Variants in ERC2 observed in about 807,000 individuals in gnomAD.
ERC2 encodes ELKS/RAB6-interacting/CAST family member 2, also known as ERC protein 2.
ERC2 carries 42 observed loss-of-function variants against 114.8 expected under a neutral mutation model. The ratio of observed to expected loss-of-function variants is 0.37; its 90% confidence interval spans 0.29 to 0.47. The LOEUF (loss-of-function observed/expected upper bound fraction) is 0.47, where lower values mean the gene tolerates loss of function less well. Among genes scored for constraint, ERC2 ranks in the 20% least tolerant of loss-of-function variants. ERC2 has a pLI of 0.99. For missense variants in ERC2, 939 were observed against 1,150.7 expected, an observed-to-expected ratio of 0.82 and a Z score of 2.66; for synonymous variants, 454 against 425.5, an observed-to-expected ratio of 1.07 and a Z score of -0.82.
At chr3:56,221,005 T>C (rs1012044653) in intron 3 of ERC2, among the ~76,000 whole-genome samples, 4 of 152,212 alleles carry the variant, frequency 2.6e-5, no homozygotes, top group African/African-American at 7.2e-5. Context: ...GCACCCTTAG[T>C]ATATGTGCAC....
chr3:56,461,596 A>C (rs1231418707), intron 1 of ERC2, among the ~76,000 whole-genome samples: 1 of 152,256 alleles, frequency 6.6e-6, no homozygotes, highest in Admixed American at 6.5e-5. Flanking sequence ...TCTACCACAG[A>C]TGATATTAAG....
chr3:55,652,240 C>T (rs542602679), intron 17 of ERC2, among the ~76,000 whole-genome samples: 34 of 152,314 alleles, frequency 2.2e-4, no homozygotes, highest in African/African-American at 7.9e-4. Flanking sequence ...AACTGGAAAG[C>T]AGGTTCTGTT....
At chr3:55,715,052 C>T (rs1044485640) in intron 15 of ERC2, among the ~76,000 whole-genome samples, 9 of 152,130 alleles carry the variant, frequency 5.9e-5, no homozygotes, top group African/African-American at 1.7e-4. Context: ...AGCACCCTAA[C>T]TTACTGGCCA....
Position 55,734,893 on chromosome 3 carries a change from T to A in ERC2, c.2590A>T (p.Ser864Cys). 6.2e-7 allele frequency: 1 copy of A among 1,606,806 alleles called. No individual in the cohort carries two copies. Among genetic ancestry groups the A allele is most frequent in the Non-Finnish European group, 8.5e-7 (1 of 1,176,376 alleles). Residue 864 changes from serine to cysteine, a missense_variant, in exon 15 of 18, where the codon AGT becomes TGT. This residue lies in a region of ERC2 where 328 missense variants were observed against 353.9 expected (regional missense o/e 0.93). Coordinates refer to ENST00000288221, the MANE Select transcript of ERC2 (RefSeq NM_015576.3). Reference protein sequence around the residue: ...MKQEALLAAISEKDANIALLE... With the variant: ...MKQEALLAAICEKDANIALLE... ...AAGGCAATGTTTGCATCTTTTTCAC[T>A]GATGGCTGCAAGTAGTGCTTCCTGT...
In ERC2 at chr3:55,557,480, C is replaced by T. The variant is rs146368049; in HGVS notation, c.*40-46204G>A. ...TTGCTGAGGGAAGGGTTTTCTACAA[C>T]AGATATCAGCCTGCAAAGGATTCTA... On this transcript the variant is annotated intron_variant, in intron 17 of 17. Coordinates refer to ENST00000288221, the MANE Select transcript of ERC2 (RefSeq NM_015576.3). Among the ~76,000 whole-genome samples, 1,448 of 152,348 alleles carry T rather than the reference C, an allele frequency of 9.5e-3. 7 individuals carry two copies. The highest frequency in any genetic ancestry group is 0.013 in the Non-Finnish European group (914 of 68,032).
At position 55,992,129 on chromosome 3, in the gene ERC2, C is replaced by T. The variant is rs777439484; in HGVS notation, c.2183G>A (p.Arg728Gln). The T allele has an allele frequency of 2.5e-6, 4 of 1,613,946 alleles. No homozygotes were observed. Among genetic ancestry groups the T allele is most frequent in the South Asian group, 1.1e-5 (1 of 91,070 alleles). The change falls in exon 11 of 18, where the codon CGG becomes CAG. Residue 728 changes from arginine (R) to glutamine (Q), a missense_variant. Arg to Gln is a conservative substitution (Grantham distance 43). Transcript: ENST00000288221. ...CACCTCCTTGAGGATCTCCAGCAAC[C>T]GGTCCACTTCCGCTTGGGCCTTGCC... ...ECGKAQAEVD[R>Q]LLEILKEVEN...
intron 17 of ERC2, among the ~76,000 whole-genome samples, chr3:55,511,608 C>T (rs776070884): frequency 7.2e-5 from 11 of 152,162 alleles, no homozygotes; most frequent in African/African-American, 2.2e-4. Flanking sequence ...TCCACATAAT[C>T]GGACTATATG....
rs577083329 is a variant in ERC2, at chr3:55,728,997, G to A, written c.2712+5774C>T. Among the ~76,000 whole-genome samples, 6 of 152,316 alleles carry A rather than the reference G, an allele frequency of 3.9e-5. No individual in the cohort carries two copies. In the South Asian group the frequency reaches 1.2e-3, roughly 32 times the overall value. On this transcript the variant is annotated intron_variant, in intron 15 of 17. Coordinates refer to ENST00000288221, the MANE Select transcript of ERC2 (RefSeq NM_015576.3). Reference sequence around the variant, plus strand: ...AGCACCTTGAGACTCCATGGAGGCTGGAGCTAGGGGATGTGGAGAGTGAGC... The same window carrying A: ...AGCACCTTGAGACTCCATGGAGGCTAGAGCTAGGGGATGTGGAGAGTGAGC...
chr3:56,260,779 T>C (rs752976592), intron 3 of ERC2, among the ~76,000 whole-genome samples: 14 of 152,226 alleles, frequency 9.2e-5, no homozygotes, highest in Non-Finnish European at 1.5e-4. Flanking sequence ...ATCATCACTT[T>C]CTTGCTGAAA....
At chr3:55,968,119 TTG>T (rs1320032255) in intron 12 of ERC2, among the ~76,000 whole-genome samples, 1 of 148,976 alleles carries the variant, frequency 6.7e-6, no homozygotes, top group East Asian at 2.0e-4. Context: ...TTTTAATTAC[TTG>T]ATTTTCTATT....
chr3:56,100,943 G>A lies in ERC2; in HGVS notation c.1474-19959C>T, dbSNP rs144223619. ...ACTCCCTCTCTTACCTCTAACAGTT[G>A]TCCTCAACACAGAAATTCAGGGGAT... On this transcript the variant is annotated intron_variant, in intron 6 of 17. Transcript: ENST00000288221. Among the ~76,000 whole-genome samples the A allele has an allele frequency of 8.2e-4, 125 of 152,220 alleles. 1 individual carries two copies. In the East Asian group the frequency reaches 0.021, roughly 25 times the overall value.
At position 56,337,241 on chromosome 3, in the gene ERC2, G is replaced by A. The variant is rs554978981; in HGVS notation, c.658-40806C>T. ...TCTTTAAAGGAATGACTGCCAACAG[G>A]CTGAACCCACAAGTATAAGCAGAAA... On this transcript the variant is annotated intron_variant, in intron 2 of 17. Coordinates refer to ENST00000288221, the MANE Select transcript of ERC2 (RefSeq NM_015576.3). 5.3e-5 allele frequency among the ~76,000 whole-genome samples: 8 copies of A among 152,248 alleles called. No homozygotes were observed. The South Asian group carries it at 1.7e-3, about 32-fold the overall frequency.
chr3:56,137,271 C>A (rs2080563522), intron 6 of ERC2, among the ~76,000 whole-genome samples: 1 of 152,166 alleles, frequency 6.6e-6, no homozygotes, highest in South Asian at 2.1e-4. Flanking sequence ...TCCTACCCAA[C>A]AACACACAGC....
intron 14 of ERC2, among the ~76,000 whole-genome samples, chr3:55,777,356 G>A (rs1430842560): frequency 6.6e-6 from 1 of 152,174 alleles, no homozygotes; most frequent in Non-Finnish European, 1.5e-5. Flanking sequence ...AATTTCATGT[G>A]GTGCTCTACA....
At chr3:55,547,066 C>T (rs189956584) in intron 17 of ERC2, among the ~76,000 whole-genome samples, 4 of 152,338 alleles carry the variant, frequency 2.6e-5, no homozygotes, top group African/African-American at 4.8e-5. Context: ...GGCTGCAAAA[C>T]GAGAATGGTA....
At chr3:55,726,704 GT>G (rs1162167919) in intron 15 of ERC2, among the ~76,000 whole-genome samples, 5 of 152,278 alleles carry the variant, frequency 3.3e-5, no homozygotes, top group African/African-American at 1.2e-4. Flanking sequence ...CATGCAACTT[GT>G]TATGGCCTCC....
intron 6 of ERC2, among the ~76,000 whole-genome samples, chr3:56,092,019 AATG>A (rs2077821904): frequency 6.6e-6 from 1 of 152,178 alleles, no homozygotes; most frequent in Non-Finnish European, 1.5e-5. Flanking sequence ...GAAAAACAAT[AATG>A]ATTGTATAAT....
In ERC2 at chr3:56,434,466, C is replaced by G; in HGVS notation, c.542G>C (p.Ser181Thr). 2 of 1,614,038 alleles carry G rather than the reference C, an allele frequency of 1.2e-6. No individual in the cohort carries two copies. The highest frequency in any genetic ancestry group is 1.7e-6 in the Non-Finnish European group (2 of 1,179,904). The change falls in exon 2 of 18, where the codon AGT becomes ACT. Residue 181 changes from serine (S) to threonine (T), a missense_variant. Around this residue, in one of 5 missense-constraint regions of ERC2, gnomAD observed 281 missense variants for 307.4 expected, o/e 0.91. Transcript: ENST00000288221. ...KDSKLGSSMNSIKTFWSPELK... is the reference protein window; with the variant it reads ...KDSKLGSSMNTIKTFWSPELK... ...CTCAGGACTCCAGAAAGTCTTAATA[C>G]TGTTCATGGAAGATCCCAATTTGCT...
intron 15 of ERC2, among the ~76,000 whole-genome samples, chr3:55,721,925 A>G (rs2064579416): frequency 3.3e-5 from 5 of 152,178 alleles, no homozygotes. Flanking sequence ...TTGTAATTCT[A>G]GGAGTGCTGG....
Sources: gnomAD v4.1 joint callset for allele counts (sites outside exome capture counted in the v4.1 genomes callset) on GRCh38, gnomAD v4.1.1 for gene constraint, gnomAD v4.1.1 regional missense constraint, MANE v1.5 for transcripts, NCBI Gene and HGNC (gene_info 2026-07-23, HGNC 2026-07-21) for gene names.